The following SRPK2 variants were observed in gnomAD, a reference collection of about 807,000 sequenced individuals.
SRPK2 encodes the protein SRSF protein kinase 2.
A neutral mutation model predicts 90.8 loss-of-function variants in SRPK2; 21 were observed. The observed-to-expected ratio is 0.23, with a 90% CI of 0.16 to 0.33. SRPK2 has a LOEUF of 0.33. Ranked by LOEUF, SRPK2 falls within the 10% of genes least tolerant of loss-of-function variation. The probability of loss-of-function intolerance (pLI) is 1.00; values close to 1 mark genes in which losing one functional copy is unlikely to be tolerated. For synonymous variants in SRPK2, 288 were observed against 311.1 expected (o/e 0.93, Z 0.78); for missense variants, 620 against 869.0 (o/e 0.71, Z 3.60).
chr7:105,388,785 A>C lies in SRPK2; in HGVS notation c.16+6T>G, dbSNP rs1178235532. On this transcript the variant is annotated splice_donor_region_variant and intron_variant, in intron 1 of 15. Coordinates refer to ENST00000393651, the MANE Select transcript of SRPK2 (RefSeq NM_182692.3). ...GCGGGGAGAGGGCGCGCCGCGGGCC[A>C]CTCACCTTTCCGGGAGCTCATTCCG... 2 of 1,500,156 alleles carry C rather than the reference A, an allele frequency of 1.3e-6. No individual in the cohort carries two copies. The highest frequency in any genetic ancestry group is 2.5e-5 in the South Asian group (2 of 80,202). The allele number at this position is 1,500,156 out of a possible 1,614,324, so 92.9% of individuals were successfully genotyped here. A position where few individuals can be genotyped will look rare whatever the true frequency, so the allele number is the denominator to read the frequency against.
At chr7:105,124,488 A>G (rs1475142771) in intron 15 of SRPK2, among the ~76,000 whole-genome samples, 1 of 151,914 alleles carries the variant, frequency 6.6e-6, no homozygotes, top group Non-Finnish European at 1.5e-5. Context: ...TAAAAATACA[A>G]AAATTAGCCG....
intron 3 of SRPK2, among the ~76,000 whole-genome samples, chr7:105,171,670 G>A (rs1425344920): frequency 6.6e-6 from 1 of 152,154 alleles, no homozygotes; most frequent in African/African-American, 2.4e-5. Flanking sequence ...AATCTGACCA[G>A]ATACTGAGTT....
intron 2 of SRPK2, among the ~76,000 whole-genome samples, chr7:105,247,515 A>AACACGCACACACACAAAC (rs1380143242): frequency 7.9e-4 from 73 of 92,634 alleles, no homozygotes; most frequent in African/African-American, 2.9e-3. Flanking sequence ...CATACCAAAA[A>AACACGCACACACACAAAC]ACACACACAC....
intron 15 of SRPK2, among the ~76,000 whole-genome samples, chr7:105,124,929 T>A (rs1800954116): frequency 6.6e-6 from 1 of 151,248 alleles, no homozygotes; most frequent in Admixed American, 6.6e-5. Flanking sequence ...GTCAGGAGTT[T>A]GAGACCAGCC....
chr7:105,119,960 G>GT (rs1306054184), intron 15 of SRPK2, among the ~76,000 whole-genome samples: 2 of 152,178 alleles, frequency 1.3e-5, no homozygotes, highest in Non-Finnish European at 2.9e-5. Flanking sequence ...ACATTAGGCA[G>GT]TAAAAGAACA....
intron 2 of SRPK2, among the ~76,000 whole-genome samples, chr7:105,284,688 C>G (rs2130885576): frequency 6.6e-6 from 1 of 152,338 alleles, no homozygotes; most frequent in East Asian, 1.9e-4. Context: ...TATCACTTCT[C>G]TCATTTGTAA....
intron 7 of SRPK2, among the ~76,000 whole-genome samples, chr7:105,158,780 C>T (rs1339742201): frequency 6.7e-6 from 1 of 149,348 alleles, no homozygotes; most frequent in Non-Finnish European, 1.5e-5. Context: ...CAAGTTTTAA[C>T]AATATGGTTT....
At chr7:105,137,157 A>T (rs1438100191) in intron 11 of SRPK2, among the ~76,000 whole-genome samples, 1 of 152,218 alleles carries the variant, frequency 6.6e-6, no homozygotes, top group Admixed American at 6.5e-5. Flanking sequence ...GAAGTACAAA[A>T]ATCCTAAGGC....
chr7:105,276,316 C>G (rs995436930), intron 2 of SRPK2, among the ~76,000 whole-genome samples: 1 of 151,796 alleles, frequency 6.6e-6, no homozygotes, highest in Non-Finnish European at 1.5e-5. Context: ...TGGGCTCAAC[C>G]GATCCTCCCA....
intron 2 of SRPK2, among the ~76,000 whole-genome samples, chr7:105,375,217 G>A (rs1433024591): frequency 1.3e-5 from 2 of 152,144 alleles, no homozygotes; most frequent in African/African-American, 2.4e-5. Flanking sequence ...GTCTCCCTAA[G>A]TAAACTACAA....
intron 3 of SRPK2, among the ~76,000 whole-genome samples, chr7:105,199,917 CAGG>C: frequency 7.4e-6 from 1 of 134,854 alleles, no homozygotes; most frequent in African/African-American, 2.7e-5. Context: ...AAAAAAAAAG[CAGG>C]ATTCTCTGTG....
upstream of SRPK2, among the ~76,000 whole-genome samples, chr7:105,391,217 TTTA>T (rs990290841): frequency 3.3e-5 from 5 of 151,864 alleles, no homozygotes; most frequent in African/African-American, 1.2e-4. Context: ...TATTTATTTA[TTTA>T]TTGAGATGGA....
chr7:105,298,824 T>C, intron 2 of SRPK2: 1 of 983,990 alleles, frequency 1.0e-6, no homozygotes, highest in Non-Finnish European at 1.2e-6. Context: ...CAGCCCTGCA[T>C]CACAATGCCA....
intron 2 of SRPK2, among the ~76,000 whole-genome samples, chr7:105,318,147 T>C (rs1277544055): frequency 6.6e-6 from 1 of 152,264 alleles, no homozygotes; most frequent in Admixed American, 6.5e-5. Flanking sequence ...CAGGCTTGAA[T>C]GCAGTGGTGT....
rs1047735015 is a variant in SRPK2, at chr7:105,168,103, A to G, written c.339-8T>C. On this transcript the variant is annotated splice_region_variant and splice_polypyrimidine_tract_variant and intron_variant, in intron 4 of 15. Coordinates refer to ENST00000393651, the MANE Select transcript of SRPK2 (RefSeq NM_182692.3). ...GCAACAAATCTTTTCCCCCTAAAAGAAAAAACAAAAAAAGAGTCTATTTAT... is the reference window on the plus strand; with the variant it reads ...GCAACAAATCTTTTCCCCCTAAAAGGAAAAACAAAAAAAGAGTCTATTTAT... 6.3e-7 allele frequency: 1 copy of G among 1,596,666 alleles called. No individual in the cohort carries two copies. Among genetic ancestry groups the G allele is most frequent in the Non-Finnish European group, 8.6e-7 (1 of 1,168,582 alleles).
chr7:105,200,732 T>A (rs1190381706), intron 3 of SRPK2, among the ~76,000 whole-genome samples: 1 of 152,130 alleles, frequency 6.6e-6, no homozygotes, highest in Non-Finnish European at 1.5e-5. Flanking sequence ...GCATCCCAAA[T>A]TGAGAAACAT....
rs1398444173 is a variant in SRPK2, at chr7:105,143,178, A to G, written c.966T>C (p.Pro322=). ...AGTATTCGCCATCCTGGTCATTGGA[A>G]GGTGCAGCTGAGGTGATGTTTTCTT... ...IIEENITSAA[P]SNDQDGEYCP... The change falls in exon 10 of 16, where the codon CCT becomes CCC. Residue 322 remains proline (P), a synonymous_variant. Coordinates refer to ENST00000393651, the MANE Select transcript of SRPK2 (RefSeq NM_182692.3). The G allele has an allele frequency of 6.2e-7, 1 of 1,614,218 alleles. No homozygotes were observed. Among genetic ancestry groups the G allele is most frequent in the Non-Finnish European group, 8.5e-7 (1 of 1,180,028 alleles).
At chr7:105,201,769 C>T (rs1452395464) in intron 3 of SRPK2, among the ~76,000 whole-genome samples, 1 of 151,914 alleles carries the variant, frequency 6.6e-6, no homozygotes, top group African/African-American at 2.4e-5. Context: ...TGCTCAAGCC[C>T]AGGACTCAGG....
chr7:105,143,720 G>GA (rs1804137189), intron 9 of SRPK2: 1 of 202,202 alleles, frequency 4.9e-6, no homozygotes, highest in Admixed American at 5.4e-5. Context: ...TGCCAAAAAT[G>GA]AAACAGGTGC....
Sources: allele counts gnomAD v4.1 joint callset (sites outside exome capture counted in the v4.1 genomes callset), GRCh38; gene constraint gnomAD v4.1.1; transcripts MANE v1.5; gene names NCBI Gene and HGNC (gene_info 2026-07-23, HGNC 2026-07-21).